Variants in GADL1 observed in about 807,000 individuals in gnomAD.
GADL1 encodes the protein acidic amino acid decarboxylase GADL1.
GADL1 carries 71 observed loss-of-function variants against 69.5 expected under a neutral mutation model. That is an observed-to-expected ratio of 1.02 (90% CI 0.84 to 1.25). The LOEUF (loss-of-function observed/expected upper bound fraction) is 1.25, where lower values mean the gene tolerates loss of function less well. Ranked by LOEUF, GADL1 falls within the 50% of genes most tolerant of loss-of-function variation. GADL1 has a pLI of 0.00. For missense variants in GADL1, 737 were observed against 631.8 expected, an observed-to-expected ratio of 1.17 and a Z score of -1.79; for synonymous variants, 254 against 214.4, an observed-to-expected ratio of 1.18 and a Z score of -1.62.
chr3:30,781,643 T>A (rs1188727292), intron 13 of GADL1, among the ~76,000 whole-genome samples: 1 of 152,236 alleles, frequency 6.6e-6, no homozygotes, highest in Non-Finnish European at 1.5e-5. Context: ...TGCAAGGATG[T>A]GGCTTTGAAT....
chr3:30,783,076 C>T (rs1696703900), intron 13 of GADL1, among the ~76,000 whole-genome samples: 1 of 152,194 alleles, frequency 6.6e-6, no homozygotes. Flanking sequence ...AGTATTCAAT[C>T]ACAGGTTGAC....
intron 14 of GADL1, among the ~76,000 whole-genome samples, chr3:30,734,428 C>A (rs1289669951): frequency 6.6e-6 from 1 of 152,150 alleles, no homozygotes; most frequent in Non-Finnish European, 1.5e-5. Flanking sequence ...TTCCTTTACA[C>A]GTGCAGCTCA....
chr3:30,777,456 CT>C (rs1257266841), intron 14 of GADL1, among the ~76,000 whole-genome samples: 2 of 152,288 alleles, frequency 1.3e-5, no homozygotes, highest in East Asian at 1.9e-4. Flanking sequence ...CATGGGTTCA[CT>C]TTCAGTATGC....
At chr3:30,853,983 T>C (rs1356502116) in intron 4 of GADL1, among the ~76,000 whole-genome samples, 3 of 152,112 alleles carry the variant, frequency 2.0e-5, no homozygotes, top group Non-Finnish European at 2.9e-5. Flanking sequence ...CTGGGCCCTA[T>C]ATGTCTGGCT....
chr3:30,747,695 A>C (rs1695729095), intron 14 of GADL1, among the ~76,000 whole-genome samples: 1 of 152,218 alleles, frequency 6.6e-6, no homozygotes, highest in Admixed American at 6.5e-5. Flanking sequence ...CTAAGAGAAT[A>C]TGAATGAAAG....
intron 11 of GADL1, among the ~76,000 whole-genome samples, chr3:30,826,282 A>C (rs1697679100): frequency 6.6e-6 from 1 of 151,988 alleles, no homozygotes; most frequent in African/African-American, 2.4e-5. Context: ...ACAAAAGGAC[A>C]CAAAGGCAGA....
At chr3:30,731,441 CAT>C (rs2125468635) in intron 14 of GADL1, among the ~76,000 whole-genome samples, 1 of 152,302 alleles carries the variant, frequency 6.6e-6, no homozygotes, top group African/African-American at 2.4e-5. Context: ...CTGAGGCTCA[CAT>C]GAGGCAATTA....
chr3:30,812,474 C>T (rs181614538), intron 11 of GADL1, among the ~76,000 whole-genome samples: 1 of 152,292 alleles, frequency 6.6e-6, no homozygotes, highest in African/African-American at 2.4e-5. Context: ...TGCAGGGAAA[C>T]TCCCCTTTCT....
intron 14 of GADL1, among the ~76,000 whole-genome samples, chr3:30,757,777 G>A (rs1169610850): frequency 6.8e-6 from 1 of 147,448 alleles, no homozygotes; most frequent in Non-Finnish European, 1.5e-5. Context: ...TGTTTAAACA[G>A]TTCTAGTCCG....
chr3:30,875,480 T>G (rs989134850), intron 1 of GADL1, among the ~76,000 whole-genome samples: 4 of 151,894 alleles, frequency 2.6e-5, no homozygotes, highest in African/African-American at 9.7e-5. Context: ...ACAAGACTGT[T>G]CAGTTATGTT....
intron 1 of GADL1, among the ~76,000 whole-genome samples, chr3:30,893,615 AATG>A (rs1160790761): frequency 6.6e-6 from 1 of 152,156 alleles, no homozygotes; most frequent in African/African-American, 2.4e-5. Context: ...TAAAAATAAT[AATG>A]ATAGTACAAG....
In GADL1 at chr3:30,801,051, T is replaced by C; in HGVS notation, c.1088A>G (p.Tyr363Cys). The C allele has an allele frequency of 2.5e-6, 4 of 1,613,912 alleles. No homozygotes were observed. Among genetic ancestry groups the C allele is most frequent in the Non-Finnish European group, 3.4e-6 (4 of 1,179,884 alleles). Residue 363 changes from tyrosine (Y) to cysteine (C), a missense_variant, in exon 12 of 15, where the codon TAC (tyrosine) becomes TGC (cysteine). By Grantham distance (194) the Tyr-to-Cys change is radical (BLOSUM62 -2). Coordinates refer to ENST00000282538, the MANE Select transcript of GADL1 (RefSeq NM_207359.3). ...ATAGAATTTATCCTGCTGGAAGAGG[T>C]AAGATGCCTTGGCAGAGTAGCATTT... ...LKKCYSAKASYLFQQDKFYDV... is the reference protein window; with the variant it reads ...LKKCYSAKASCLFQQDKFYDV...
chr3:30,873,954 T>C (rs1698538721), intron 1 of GADL1, among the ~76,000 whole-genome samples: 1 of 152,070 alleles, frequency 6.6e-6, no homozygotes, highest in Non-Finnish European at 1.5e-5. Context: ...TAAATGTGAT[T>C]GGAAAGTACA....
At chr3:30,849,402 G>T (rs1430213690) in intron 6 of GADL1, among the ~76,000 whole-genome samples, 1 of 152,134 alleles carries the variant, frequency 6.6e-6, no homozygotes, top group Non-Finnish European at 1.5e-5. Flanking sequence ...CTCACTCAAG[G>T]TTACTCAGAC....
chr3:30,783,937 G>A (rs539155639), intron 13 of GADL1, among the ~76,000 whole-genome samples: 4 of 152,118 alleles, frequency 2.6e-5, no homozygotes, highest in Admixed American at 2.0e-4. Flanking sequence ...TTCCAGCTCT[G>A]TCAAAAGACT....
At chr3:30,750,745 G>A (rs1437963468) in intron 14 of GADL1, among the ~76,000 whole-genome samples, 1 of 151,844 alleles carries the variant, frequency 6.6e-6, no homozygotes, top group Non-Finnish European at 1.5e-5. Context: ...AATTTGTCCT[G>A]CGGCTTCATA....
At chr3:30,787,375 A>G (rs1287625239) in intron 12 of GADL1, among the ~76,000 whole-genome samples, 1 of 152,190 alleles carries the variant, frequency 6.6e-6, no homozygotes, top group Non-Finnish European at 1.5e-5. Flanking sequence ...ATGGTGCCCT[A>G]TATAATATTG....
At chr3:30,863,378 G>A (rs768705725) in intron 1 of GADL1, among the ~76,000 whole-genome samples, 26 of 151,878 alleles carry the variant, frequency 1.7e-4, no homozygotes, top group East Asian at 1.2e-3. Flanking sequence ...AGGATGAGAC[G>A]GAACATGTTC....
At chr3:30,881,201 T>C (rs899330371) in intron 1 of GADL1, among the ~76,000 whole-genome samples, 7 of 152,016 alleles carry the variant, frequency 4.6e-5, no homozygotes, top group African/African-American at 1.7e-4. Flanking sequence ...TATGCTTGTA[T>C]ACATTTACAT....
Sources: gnomAD v4.1 joint callset for allele counts (sites outside exome capture counted in the v4.1 genomes callset) on GRCh38, gnomAD v4.1.1 for gene constraint, MANE v1.5 for transcripts, NCBI Gene and HGNC (gene_info 2026-07-23, HGNC 2026-07-21) for gene names.